The following MRPS25 variants were observed in gnomAD, a reference collection of about 807,000 sequenced individuals.
MRPS25 encodes the protein mitochondrial ribosomal protein S25.
A neutral mutation model predicts 17.3 loss-of-function variants in MRPS25; 15 were observed. The observed-to-expected ratio is 0.87, with a 90% CI of 0.58 to 1.34. MRPS25 has a LOEUF of 1.34. MRPS25 is among the 40% of genes most tolerant of loss of function. The pLI, the probability that MRPS25 is intolerant of heterozygous loss-of-function variation, is 0.00. For missense variants in MRPS25, 225 were observed against 218.6 expected, an observed-to-expected ratio of 1.03 and a Z score of -0.19; for synonymous variants, 94 against 83.3, an observed-to-expected ratio of 1.13 and a Z score of -0.70.
chr3:15,059,221 T>A, intron 2 of MRPS25, 148 bp downstream of exon 2: 1 of 621,162 alleles, frequency 1.6e-6, no homozygotes, highest in South Asian at 1.8e-5. Flanking sequence ...GCTGAGTGCC[T>A]CGGTATGGGG....
At chr3:15,042,906 T>C, downstream of MRPS25, 1 of 1,614,212 alleles carries the variant, frequency 6.2e-7, no homozygotes, top group Non-Finnish European at 8.5e-7. Flanking sequence ...AACTTTTTTT[T>C]ACTGGTCTCA....
chr3:15,053,227 A>G lies in MRPS25; in HGVS notation c.329+153T>C, dbSNP rs569382752. 46 of 1,455,974 alleles carry G rather than the reference A, an allele frequency of 3.2e-5. No homozygotes were observed. The East Asian group carries it at 1.1e-3, about 35-fold the overall frequency. The allele number at this position is 1,455,974 out of a possible 1,614,324, so 90.2% of individuals were successfully genotyped here. A position where few individuals can be genotyped will look rare whatever the true frequency, so the allele number is the denominator to read the frequency against. On this transcript the variant is annotated intron_variant, in intron 3 of 3. Coordinates refer to ENST00000253686, the MANE Select transcript of MRPS25 (RefSeq NM_022497.5). ...ATGATTTGGTAAAGAGCAACATCAG[A>G]AAGAACTGATTCTACAGCCCCAGCT...
chr3:15,050,489 C>T lies in MRPS25; in HGVS notation c.*1952G>A. 1.0e-6 allele frequency: 1 copy of T among 986,136 alleles called. No homozygotes were observed. The highest frequency in any genetic ancestry group is 1.2e-6 in the Non-Finnish European group (1 of 830,508). 61.1% of individuals were successfully genotyped at this position (986,136 alleles called of 1,614,324 possible). A position where few individuals can be genotyped will look rare whatever the true frequency, so the allele number is the denominator to read the frequency against. ...GTGTCACTAGCTATGGAGACCTACA[C>T]TGCAGATGAAAGCCAAAAGGAACTA... On this transcript the variant is annotated 3_prime_UTR_variant, in exon 4 of 4. Transcript: ENST00000253686.
At chr3:15,059,597 C>T (rs2042721594) in intron 1 of MRPS25, 122 bp from the exon 2 acceptor site, 1 of 729,024 alleles carries the variant, frequency 1.4e-6, no homozygotes, top group African/African-American at 1.8e-5. Flanking sequence ...CCCAAAAAGG[C>T]TGAGAAAAAA....
chr3:15,042,508 TAGC>T (rs1035968344), downstream of MRPS25: 1 of 222,168 alleles, frequency 4.5e-6, no homozygotes, highest in Non-Finnish European at 8.8e-6. Context: ...AATGAGTCTC[TAGC>T]AGTTCATCAT....
chr3:15,062,448 G>GT (rs1486181284), intron 1 of MRPS25, among the ~76,000 whole-genome samples: 2 of 142,450 alleles, frequency 1.4e-5, no homozygotes, highest in East Asian at 4.3e-4. Flanking sequence ...GGAGGTGGGG[G>GT]GGGTCAGCCC....
downstream of MRPS25, chr3:15,043,700 T>G (rs1223814932): frequency 6.6e-6 from 1 of 152,332 alleles, no homozygotes; most frequent in African/African-American, 2.4e-5. Flanking sequence ...GGTGACCCAG[T>G]TCAGAAGCTT....
downstream of MRPS25, chr3:15,048,065 T>A (rs2042518804): frequency 6.6e-6 from 1 of 152,670 alleles, no homozygotes; most frequent in South Asian, 2.1e-4. Flanking sequence ...ATCACTAGAT[T>A]GCTGCAAAAA....
chr3:15,061,738 T>C (rs2042764714), intron 1 of MRPS25, among the ~76,000 whole-genome samples: 1 of 150,758 alleles, frequency 6.6e-6, no homozygotes, highest in South Asian at 2.1e-4. Flanking sequence ...GAGGAGCGTC[T>C]CTGCCCGGCC....
intron 1 of MRPS25, among the ~76,000 whole-genome samples, chr3:15,062,136 C>T (rs1235256653): frequency 9.8e-3 from 5 of 512 alleles, no homozygotes; most frequent in Admixed American, 0.019. Flanking sequence ...GGAGGGAGTG[C>T]GGCGGGTCAG....
At chr3:15,052,678 T>C in intron 3 of MRPS25, 45 bp from the exon 4 acceptor site, 2 of 1,593,344 alleles carry the variant, frequency 1.3e-6, no homozygotes, top group Non-Finnish European at 1.7e-6. Flanking sequence ...CAACTTTGAG[T>C]GGCAGGCACA....
intron 1 of MRPS25, among the ~76,000 whole-genome samples, chr3:15,060,206 AG>A (rs2042732239): frequency 6.6e-6 from 1 of 152,166 alleles, no homozygotes; most frequent in Non-Finnish European, 1.5e-5. Context: ...TAACACCTAA[AG>A]CTAAAAATCA....
Position 15,049,862 on chromosome 3 carries a change from C to T in MRPS25, c.*2579G>A, listed in dbSNP as rs774337705. The T allele has an allele frequency of 8.4e-6, 12 of 1,430,396 alleles. No homozygotes were observed. Among genetic ancestry groups the T allele is most frequent in the Non-Finnish European group, 1.0e-5 (11 of 1,052,908 alleles). 88.6% of individuals were successfully genotyped at this position (1,430,396 alleles called of 1,614,324 possible). On this transcript the variant is annotated 3_prime_UTR_variant, in exon 4 of 4. Transcript: ENST00000253686. ...CTCAACCTCCTGGGCTCAAGTGATC[C>T]TCCTGCCTCAGCCTCCTGAGTAACT...
intron 2 of MRPS25, among the ~76,000 whole-genome samples, chr3:15,055,046 A>G (rs1024718082): frequency 6.6e-6 from 1 of 152,164 alleles, no homozygotes; most frequent in Non-Finnish European, 1.5e-5. Context: ...GCAGAAGGCA[A>G]AGGGGGAGCA....
intron 2 of MRPS25, among the ~76,000 whole-genome samples, chr3:15,053,794 C>T (rs568963074): frequency 6.6e-5 from 10 of 152,174 alleles, no homozygotes; most frequent in African/African-American, 2.2e-4. Context: ...AAATCCCAAG[C>T]GGTGTTTCTG....
intron 3 of MRPS25, among the ~76,000 whole-genome samples, chr3:15,052,851 C>G (rs1409865674): frequency 6.6e-6 from 1 of 152,204 alleles, no homozygotes; most frequent in Non-Finnish European, 1.5e-5. Flanking sequence ...ACCACAGCAG[C>G]AAGCCTACAC....
At chr3:15,045,168 C>G (rs2042406006), downstream of MRPS25, 1 of 152,152 alleles carries the variant, frequency 6.6e-6, no homozygotes, top group Non-Finnish European at 1.5e-5. Context: ...CTCAGTGGTG[C>G]CTCTAACACA....
At chr3:15,053,173 C>G (rs1441557602) in intron 3 of MRPS25, 1 of 1,200,592 alleles carries the variant, frequency 8.3e-7, no homozygotes. Context: ...CACTGTACAG[C>G]CAAGGGAGAT....
chr3:15,050,780 C>T lies in MRPS25; in HGVS notation c.*1661G>A. 1 of 985,450 alleles carries T rather than the reference C, an allele frequency of 1.0e-6. No individual in the cohort carries two copies. The highest frequency in any genetic ancestry group is 1.2e-6 in the Non-Finnish European group (1 of 829,940). The allele number at this position is 985,450 out of a possible 1,614,324, so 61.0% of individuals were successfully genotyped here. A position where few individuals can be genotyped will look rare whatever the true frequency, so the allele number is the denominator to read the frequency against. ...CTCTGCCCACCTTCCCCTCCCACCCCCGACAAGCCATCACCCCAAACCCAG... is the reference window on the plus strand; with the variant it reads ...CTCTGCCCACCTTCCCCTCCCACCCTCGACAAGCCATCACCCCAAACCCAG... On this transcript the variant is annotated 3_prime_UTR_variant, in exon 4 of 4. Transcript: ENST00000253686.
Sources: gnomAD v4.1 joint callset for allele counts (sites outside exome capture counted in the v4.1 genomes callset) on GRCh38, gnomAD v4.1.1 for gene constraint, MANE v1.5 for transcripts, NCBI Gene and HGNC (gene_info 2026-07-23, HGNC 2026-07-21) for gene names.